Variants in JMY observed in about 807,000 individuals in gnomAD.
JMY encodes the protein junction mediating and regulatory protein, p53 cofactor, also known as junction-mediating and -regulatory protein.
In JMY, 46 loss-of-function variants were observed where a neutral mutation model predicts 103.3. The ratio of observed to expected loss-of-function variants is 0.45; its 90% confidence interval spans 0.35 to 0.57. The LOEUF (loss-of-function observed/expected upper bound fraction) is 0.57, where lower values mean the gene tolerates loss of function less well. JMY is among the 20% of genes least tolerant of loss of function. The probability of loss-of-function intolerance (pLI) is 0.00; values close to 1 mark genes in which losing one functional copy is unlikely to be tolerated. For synonymous variants in JMY, 526 were observed against 489.3 expected (o/e 1.07, Z -0.99); for missense variants, 1,238 against 1,255.2 (o/e 0.99, Z 0.21).
chr5:79,249,708 C>T (rs1021490419), intron 1 of JMY, among the ~76,000 whole-genome samples: 2 of 152,174 alleles, frequency 1.3e-5, no homozygotes, highest in Non-Finnish European at 2.9e-5. Context: ...TGTCTAACTG[C>T]ACCATTCCCC....
At chr5:79,286,048 A>G (rs1389684278) in intron 2 of JMY, among the ~76,000 whole-genome samples, 1 of 152,200 alleles carries the variant, frequency 6.6e-6, no homozygotes, top group Non-Finnish European at 1.5e-5. Flanking sequence ...CACATGATCC[A>G]TCTAACCAGT....
In JMY at chr5:79,300,233, G is replaced by A. The variant is rs34032465; in HGVS notation, c.1608G>A (p.Gln536=). The part of the protein sequence containing the change: ...LEADYYDLQL[Q]LYEVQFEILK... ...CTGATTATTATGATCTGCAACTTCA[G>A]TTGTATGAAGTACAGTTTGAAATCT... Residue 536 remains glutamine, a synonymous_variant, in exon 5 of 11, where the codon CAG becomes CAA. Coordinates refer to ENST00000396137, the MANE Select transcript of JMY (RefSeq NM_152405.5). 6.9e-3 allele frequency: 11,117 copies of A among 1,605,758 alleles called. 580 individuals carry two copies. In the African/African-American group the frequency reaches 0.12, roughly 18 times the overall value.
At position 79,300,165 on chromosome 5, in the gene JMY, C is replaced by T. The variant is rs201965281; in HGVS notation, c.1540C>T (p.Arg514Trp). Reference sequence around the variant, plus strand: ...ATTTTCAATGCAGATGCAGAGTTTGCGGGGTGGTACAGAAGCGATAGCACG... The same window carrying T: ...ATTTTCAATGCAGATGCAGAGTTTGTGGGGTGGTACAGAAGCGATAGCACG... Reference protein sequence around the residue: ...HALKEEMQSLRGGTEAIARLD... With the variant: ...HALKEEMQSLWGGTEAIARLD... Residue 514 changes from arginine (R) to tryptophan (W), a missense_variant, in exon 5 of 11, where the codon CGG (arginine) becomes TGG (tryptophan). Coordinates refer to ENST00000396137, the MANE Select transcript of JMY (RefSeq NM_152405.5). 8.9e-4 allele frequency: 1,439 copies of T among 1,611,996 alleles called. No homozygotes were observed. Among genetic ancestry groups the T allele is most frequent in the Non-Finnish European group, 1.2e-3 (1,359 of 1,179,052 alleles).
intron 1 of JMY, among the ~76,000 whole-genome samples, chr5:79,273,351 A>G (rs1443972098): frequency 1.3e-5 from 2 of 151,980 alleles, no homozygotes; most frequent in Non-Finnish European, 2.9e-5. Context: ...TTTATTCCTC[A>G]TCTGTTCTCT....
rs779794366 is a variant in JMY, at chr5:79,306,367, A to T, written c.1882-8A>T. 6.3e-7 allele frequency: 1 copy of T among 1,585,488 alleles called. No homozygotes were observed. Among genetic ancestry groups the T allele is most frequent in the Admixed American group, 1.7e-5 (1 of 59,808 alleles). On this transcript the variant is annotated splice_polypyrimidine_tract_variant and splice_region_variant and intron_variant, in intron 6 of 10. Coordinates refer to ENST00000396137, the MANE Select transcript of JMY (RefSeq NM_152405.5). ...ACTTGTATTAAAACACATTTTATGT[A>T]TTTACAGGAAATATGTATTGCAAAA...
chr5:79,293,171 A>C (rs1746470964), intron 4 of JMY, among the ~76,000 whole-genome samples: 1 of 152,178 alleles, frequency 6.6e-6, no homozygotes, highest in African/African-American at 2.4e-5. Flanking sequence ...CAACCCTAAA[A>C]ATGAAAATGT....
chr5:79,241,053 T>C (rs1022393348), intron 1 of JMY, among the ~76,000 whole-genome samples: 1 of 152,244 alleles, frequency 6.6e-6, no homozygotes, highest in Non-Finnish European at 1.5e-5. Context: ...CTTTAATTTC[T>C]ATGAATCTAT....
intron 2 of JMY, chr5:79,284,429 C>G (rs750274335): frequency 1.7e-5 from 26 of 1,504,320 alleles, no homozygotes; most frequent in Non-Finnish European, 2.1e-5. Flanking sequence ...CATCTTCTTC[C>G]GGATTTGGCG....
rs1443612716 is a variant in JMY at position 79,314,318 on chromosome 5, A to G, written c.2126A>G (p.Lys709Arg). The G allele has an allele frequency of 3.1e-6, 5 of 1,614,216 alleles. No individual in the cohort carries two copies. The highest frequency in any genetic ancestry group is 4.2e-6 in the Non-Finnish European group (5 of 1,180,026). ...TTACGACTAGCTCATGCAAGAAGAAAAGGTGCAGCAAGTCCTGTTCTCCAA... is the reference window on the plus strand; with the variant it reads ...TTACGACTAGCTCATGCAAGAAGAAGAGGTGCAGCAAGTCCTGTTCTCCAA... ...TRLRLAHARR[K>R]GAASPVLQED... The change falls in exon 9 of 11, where the codon AAA becomes AGA. Residue 709 changes from lysine to arginine, a missense_variant. Transcript: ENST00000396137.
At position 79,236,627 on chromosome 5, in the gene JMY, C is replaced by T. The variant is rs1343123360; in HGVS notation, c.-24C>T. The T allele has an allele frequency of 2.9e-6, 4 of 1,366,098 alleles. No individual in the cohort carries two copies. The highest frequency in any genetic ancestry group is 2.7e-5 in the Admixed American group (1 of 37,528). 84.6% of individuals were successfully genotyped at this position (1,366,098 alleles called of 1,614,324 possible). A position where few individuals can be genotyped will look rare whatever the true frequency, so the allele number is the denominator to read the frequency against. ...GGCGGGCCGGGCCGGCGGCCCTTCC[C>T]CGCGGCGAGAAGCCGGAGCCACCAT... On this transcript the variant is annotated 5_prime_UTR_variant, in exon 1 of 11. Transcript: ENST00000396137.
intron 1 of JMY, among the ~76,000 whole-genome samples, chr5:79,251,419 G>A (rs1428153346): frequency 1.3e-5 from 2 of 151,548 alleles, no homozygotes; most frequent in African/African-American, 4.9e-5. Flanking sequence ...AATTTTGGGG[G>A]GTACATAGTA....
rs1044347644 is a variant in JMY, at chr5:79,236,982, C to T, written c.332C>T (p.Ala111Val). The T allele has an allele frequency of 3.4e-6, 5 of 1,458,766 alleles. No individual in the cohort carries two copies. Among genetic ancestry groups the T allele is most frequent in the East Asian group, 2.5e-5 (1 of 39,836 alleles). The allele number at this position is 1,458,766 out of a possible 1,614,324, so 90.4% of individuals were successfully genotyped here. A position where few individuals can be genotyped will look rare whatever the true frequency, so the allele number is the denominator to read the frequency against. The change falls in exon 1 of 11, where the codon GCG becomes GTG. Residue 111 changes from alanine to valine, a missense_variant. By Grantham distance (64) the Ala-to-Val change is moderately conservative (BLOSUM62 0). Transcript: ENST00000396137. ...SPGPRRSSAWAEGGSPRSTRS... is the reference protein window; with the variant it reads ...SPGPRRSSAWVEGGSPRSTRS... Reference sequence around the variant, plus strand: ...GGGCCCCGGCGGAGCTCGGCCTGGGCGGAGGGCGGCTCTCCTCGGAGCACT... The same window carrying T: ...GGGCCCCGGCGGAGCTCGGCCTGGGTGGAGGGCGGCTCTCCTCGGAGCACT...
chr5:79,318,173 T>TG, intron 10 of JMY, among the ~76,000 whole-genome samples: 2 of 97,882 alleles, frequency 2.0e-5, no homozygotes. Context: ...GGCTCTTTTT[T>TG]CTTTTTTTTT....
chr5:79,316,797 T>C (rs1175372182), intron 10 of JMY, among the ~76,000 whole-genome samples: 1 of 149,268 alleles, frequency 6.7e-6, no homozygotes, highest in Non-Finnish European at 1.5e-5. Flanking sequence ...TCCCAGCTAC[T>C]CGAGAGGCTG....
chr5:79,238,413 T>C (rs1744591063), intron 1 of JMY, among the ~76,000 whole-genome samples: 1 of 151,774 alleles, frequency 6.6e-6, no homozygotes, highest in South Asian at 2.1e-4. Context: ...AAAAAAAAAG[T>C]GGAAGAAAGG....
At chr5:79,259,856 G>T (rs930818862) in intron 1 of JMY, among the ~76,000 whole-genome samples, 20 of 152,226 alleles carry the variant, frequency 1.3e-4, no homozygotes, top group African/African-American at 4.8e-4. Flanking sequence ...GTGCAGAGAT[G>T]CCTGGATCTG....
In JMY at chr5:79,284,069, A is replaced by G. The variant is rs73769605; in HGVS notation, c.1206+5986A>G. 2.3e-5 allele frequency: 24 copies of G among 1,058,384 alleles called. No individual in the cohort carries two copies. In the African/African-American group the frequency reaches 3.0e-4, roughly 13 times the overall value. The allele number at this position is 1,058,384 out of a possible 1,614,324, so 65.6% of individuals were successfully genotyped here. A position where few individuals can be genotyped will look rare whatever the true frequency, so the allele number is the denominator to read the frequency against. ...ATTACTTTCTTTTTTTTATTTTTTT[A>G]TTTTATTTTTATTTTTTTTCACAAA... On this transcript the variant is annotated intron_variant, in intron 2 of 10. Transcript: ENST00000396137.
intron 2 of JMY, among the ~76,000 whole-genome samples, chr5:79,278,793 C>CTTTTTTT (rs533961398): frequency 8.8e-6 from 1 of 114,176 alleles, no homozygotes; most frequent in Non-Finnish European, 1.8e-5. Flanking sequence ...GGGAACATTT[C>CTTTTTTT]TTTTTTTTTT....
At chr5:79,312,827 G>A (rs1489038269) in intron 8 of JMY, among the ~76,000 whole-genome samples, 3 of 152,128 alleles carry the variant, frequency 2.0e-5, no homozygotes, top group Non-Finnish European at 4.4e-5. Flanking sequence ...GCATCAGCAT[G>A]TTATTTATTC....
Sources: gnomAD v4.1 joint callset for allele counts (sites outside exome capture counted in the v4.1 genomes callset) on GRCh38, gnomAD v4.1.1 for gene constraint, MANE v1.5 for transcripts, NCBI Gene and HGNC (gene_info 2026-07-23, HGNC 2026-07-21) for gene names.